The following MTHFD1L variants were observed in gnomAD, a reference collection of about 807,000 sequenced individuals.
The protein encoded by MTHFD1L is monofunctional C1-tetrahydrofolate synthase, mitochondrial.
A neutral mutation model predicts 119.5 loss-of-function variants in MTHFD1L; 81 were observed. The observed-to-expected ratio is 0.68, with a 90% CI of 0.57 to 0.82. The LOEUF (loss-of-function observed/expected upper bound fraction) is 0.82. Among genes scored for constraint, MTHFD1L ranks in the 40% least tolerant of loss-of-function variants. MTHFD1L has a pLI of 0.00. For missense variants in MTHFD1L, 1,125 were observed against 1,253.4 expected, an observed-to-expected ratio of 0.90 and a Z score of 1.55; for synonymous variants, 430 against 475.2, an observed-to-expected ratio of 0.90 and a Z score of 1.24.
chr6:151,064,438 C>T (rs1460150254), intron 26 of MTHFD1L, among the ~76,000 whole-genome samples: 1 of 151,926 alleles, frequency 6.6e-6, no homozygotes, highest in Non-Finnish European at 1.5e-5. Flanking sequence ...CTCAGCCTCC[C>T]GAGTATCTGG....
intron 7 of MTHFD1L, among the ~76,000 whole-genome samples, chr6:150,904,186 C>T (rs965480131): frequency 1.3e-5 from 2 of 152,146 alleles, no homozygotes; most frequent in Non-Finnish European, 1.5e-5. Flanking sequence ...TAATGATCAG[C>T]CTGTCTAAGC....
chr6:151,089,503 C>T (rs976730960), intron 26 of MTHFD1L, among the ~76,000 whole-genome samples: 1 of 152,022 alleles, frequency 6.6e-6, no homozygotes, highest in East Asian at 1.9e-4. Flanking sequence ...CTCGGGAGGC[C>T]GAAGCAGGAG....
intron 1 of MTHFD1L, chr6:150,866,717 C>T (rs1410900481): frequency 9.1e-6 from 10 of 1,103,194 alleles, no homozygotes; most frequent in Non-Finnish European, 9.9e-6. Flanking sequence ...GCGCAGCGCC[C>T]ACGGAGTCCC....
chr6:150,917,119 T>C (rs1262045735), intron 8 of MTHFD1L, among the ~76,000 whole-genome samples: 3 of 152,060 alleles, frequency 2.0e-5, no homozygotes, highest in African/African-American at 7.2e-5. Flanking sequence ...TGATCTTTCA[T>C]GTAACACTTT....
chr6:151,064,543 G>A (rs936956423), intron 26 of MTHFD1L, among the ~76,000 whole-genome samples: 4 of 152,090 alleles, frequency 2.6e-5, no homozygotes, highest in Non-Finnish European at 5.9e-5. Context: ...TTGAACTCCT[G>A]ACCTTGTGAT....
At chr6:151,005,890 T>C (rs1781317148) in intron 20 of MTHFD1L, among the ~76,000 whole-genome samples, 2 of 152,160 alleles carry the variant, frequency 1.3e-5, no homozygotes, top group South Asian at 2.1e-4. Flanking sequence ...AGTAAAACCA[T>C]TGTAGTATTG....
intron 26 of MTHFD1L, among the ~76,000 whole-genome samples, chr6:151,091,136 G>A (rs1369836968): frequency 6.7e-6 from 1 of 149,178 alleles, no homozygotes; most frequent in Admixed American, 6.6e-5. Context: ...GTGACTGGGT[G>A]CAGCATCGCC....
intron 20 of MTHFD1L, among the ~76,000 whole-genome samples, chr6:151,009,407 G>A (rs1473612065): frequency 1.3e-5 from 2 of 151,628 alleles, no homozygotes; most frequent in Non-Finnish European, 2.9e-5. Flanking sequence ...AGGTGTGGTG[G>A]CAAACACCTG....
At position 150,938,723 on chromosome 6, in the gene MTHFD1L, C is replaced by T; in HGVS notation, c.1418C>T (p.Ala473Val). 2 of 1,610,326 alleles carry T rather than the reference C, an allele frequency of 1.2e-6. No homozygotes were observed. Among genetic ancestry groups the T allele is most frequent in the Non-Finnish European group, 1.7e-6 (2 of 1,178,574 alleles). ...GGAGGAGCCGCGGGTGGTGGATATG[C>T]CCAGGTCATCCCCATGGAGGAGGTA... ...VKGGAAGGGY[A>V]QVIPMEEFNL... Residue 473 changes from alanine (A) to valine (V), a missense_variant, in exon 13 of 28, where the codon GCC becomes GTC. By Grantham distance (64) the Ala-to-Val change is moderately conservative (BLOSUM62 0). Around this residue, in one of 3 missense-constraint regions of MTHFD1L, gnomAD observed 1,058 missense variants for 1,151.2 expected, o/e 0.92. Coordinates refer to ENST00000367321, the MANE Select transcript of MTHFD1L (RefSeq NM_015440.5).
intron 11 of MTHFD1L, among the ~76,000 whole-genome samples, chr6:150,932,818 G>GGAAGGAAGGAAA (rs371647602): frequency 0.028 from 3,608 of 129,016 alleles, 258 homozygotes; most frequent in African/African-American, 0.044. Context: ...GAGGGAGGGA[G>GGAAGGAAGGAAA]GAAGGAAGGA....
At chr6:151,075,303 G>T (rs903414982) in intron 26 of MTHFD1L, among the ~76,000 whole-genome samples, 12 of 152,096 alleles carry the variant, frequency 7.9e-5, no homozygotes, top group African/African-American at 2.9e-4. Flanking sequence ...AAGGTAAAAG[G>T]ATGGAAAAGC....
intron 26 of MTHFD1L, among the ~76,000 whole-genome samples, chr6:151,066,437 C>CAAA (rs35065800): frequency 5.3e-4 from 27 of 50,614 alleles, no homozygotes; most frequent in East Asian, 1.4e-3. Context: ...GACTCCATCT[C>CAAA]AAAAAAAAAA....
rs369365553 is a variant in MTHFD1L, at chr6:150,911,999, A to C, written c.892+6238A>C. ...GAGATTTGGGTGGGGACACAGCCAA[A>C]CCATATCAGAGGAGGAGGTGCATAC... On this transcript the variant is annotated intron_variant, in intron 8 of 27. Coordinates refer to ENST00000367321, the MANE Select transcript of MTHFD1L (RefSeq NM_015440.5). Among the ~76,000 whole-genome samples the C allele has an allele frequency of 5.1e-4, 78 of 152,198 alleles. 1 individual carries two copies. Among genetic ancestry groups the C allele is most frequent in the African/African-American group, 1.9e-3 (78 of 41,520 alleles).
chr6:150,940,771 G>C (rs908296531), intron 13 of MTHFD1L, among the ~76,000 whole-genome samples: 1 of 151,942 alleles, frequency 6.6e-6, no homozygotes, highest in African/African-American at 2.4e-5. Flanking sequence ...ATACAGATGG[G>C]GTTTCACCAT....
intron 26 of MTHFD1L, among the ~76,000 whole-genome samples, chr6:151,045,591 G>C (rs144872246): frequency 0.027 from 4,044 of 152,246 alleles, 121 homozygotes; most frequent in Admixed American, 0.092. Context: ...CTCATGCTCT[G>C]CCGGTGAGCT....
intron 21 of MTHFD1L, among the ~76,000 whole-genome samples, chr6:151,011,463 A>T (rs371732952): frequency 8.6e-5 from 13 of 151,654 alleles, no homozygotes; most frequent in African/African-American, 3.2e-4. Context: ...GCACAGGGAG[A>T]CGCAGTGACT....
At chr6:151,081,166 G>A (rs915532429) in intron 26 of MTHFD1L, among the ~76,000 whole-genome samples, 1 of 152,152 alleles carries the variant, frequency 6.6e-6, no homozygotes, top group African/African-American at 2.4e-5. Flanking sequence ...GAACAATATA[G>A]GCCTCTGGTA....
chr6:151,101,874 A>G lies in MTHFD1L; in HGVS notation c.*380A>G, dbSNP rs1262070708. 2.0e-5 allele frequency: 3 copies of G among 152,218 alleles called. No homozygotes were observed. The highest frequency in any genetic ancestry group is 6.5e-5 in the Admixed American group (1 of 15,278). 9.4% of individuals were successfully genotyped at this position (152,218 alleles called of 1,614,324 possible). On this transcript the variant is annotated 3_prime_UTR_variant, in exon 28 of 28. Transcript: ENST00000367321. ...GTCTTTGAACTGAAAATAAACATGG[A>G]TCTAGAAAACCAACCAGCAAGTTTT... is the stretch of plus-strand genomic sequence containing the variant.
intron 20 of MTHFD1L, among the ~76,000 whole-genome samples, chr6:151,003,388 C>A (rs530358684): frequency 6.6e-6 from 1 of 152,028 alleles, no homozygotes; most frequent in African/African-American, 2.4e-5. Flanking sequence ...AAAAATTAGC[C>A]GAGCGTGGTG....
Sources: allele counts gnomAD v4.1 joint callset (sites outside exome capture counted in the v4.1 genomes callset), GRCh38; gene constraint gnomAD v4.1.1; regional missense constraint gnomAD v4.1.1; transcripts MANE v1.5; gene names NCBI Gene and HGNC (gene_info 2026-07-23, HGNC 2026-07-21).